The following RAB3GAP2 variants were observed in gnomAD, a reference collection of about 807,000 sequenced individuals.
RAB3GAP2 encodes the protein RAB3 GTPase activating non-catalytic protein subunit 2, also known as rab3 GTPase-activating protein non-catalytic subunit.
In RAB3GAP2, 87 loss-of-function variants were observed where a neutral mutation model predicts 185.3. That is an observed-to-expected ratio of 0.47 (90% CI 0.39 to 0.56). RAB3GAP2 has a LOEUF of 0.56. Ranked by LOEUF, RAB3GAP2 falls within the 20% of genes least tolerant of loss-of-function variation. The pLI is 0.00. For missense variants in RAB3GAP2, 1,492 were observed against 1,638.2 expected (o/e 0.91, Z 1.54); for synonymous variants, 554 against 576.1 (o/e 0.96, Z 0.55).
chr1:220,213,280 G>A (rs1326001911), intron 3 of RAB3GAP2, among the ~76,000 whole-genome samples: 2 of 152,010 alleles, frequency 1.3e-5, no homozygotes, highest in Non-Finnish European at 2.9e-5. Context: ...TTTATCATCA[G>A]ATGACGGAGA....
At chr1:220,269,331 A>C (rs1660290411) in intron 1 of RAB3GAP2, among the ~76,000 whole-genome samples, 1 of 152,236 alleles carries the variant, frequency 6.6e-6, no homozygotes, top group Non-Finnish European at 1.5e-5. Flanking sequence ...TATAAGGTCC[A>C]AGAAATGGCA....
In RAB3GAP2 at chr1:220,206,161, G is replaced by C. The variant is rs4142940; in HGVS notation, c.613-155C>G. ...GTAAAAATAGATAAAAAATTAATTT[G>C]AGAGTGCCTTTTTGCCAAAGACCTA... On this transcript the variant is annotated intron_variant, in intron 7 of 34. Transcript: ENST00000358951. Among the ~76,000 whole-genome samples the C allele has an allele frequency of 0.46, 69,549 of 151,980 alleles. 17,666 individuals carry two copies. The highest frequency in any genetic ancestry group is 0.69 in the African/African-American group (28,412 of 41,456).
chr1:220,270,852 A>G (rs1447593969), intron 1 of RAB3GAP2, among the ~76,000 whole-genome samples: 2 of 152,072 alleles, frequency 1.3e-5, no homozygotes, highest in Admixed American at 6.5e-5. Context: ...AAACGCCACA[A>G]TTTTCACAAG....
chr1:220,154,045 A>C lies in RAB3GAP2; in HGVS notation c.3568T>G (p.Phe1190Val), dbSNP rs373538022. ...SLFDSKGKNA[F>V]FKDLTSIQLL... ...TGAATTGAAGTTAGGTCTTTGAAAA[A>C]TGCATTTTTTCCCTAAAAAGAAAGA... The change falls in exon 32 of 35, where the codon TTT (phenylalanine) becomes GTT (valine). Residue 1190 changes from phenylalanine (F) to valine (V), a missense_variant. Phe to Val is a conservative substitution (Grantham distance 50, BLOSUM62 -1). Coordinates refer to ENST00000358951, the MANE Select transcript of RAB3GAP2 (RefSeq NM_012414.4). 5 of 1,613,350 alleles carry C rather than the reference A, an allele frequency of 3.1e-6. No homozygotes were observed. In the African/African-American group the frequency reaches 6.7e-5, roughly 22 times the overall value.
At chr1:220,262,133 C>CAA (rs554304525) in intron 1 of RAB3GAP2, among the ~76,000 whole-genome samples, 13 of 112,340 alleles carry the variant, frequency 1.2e-4, no homozygotes, top group Admixed American at 2.7e-4. Flanking sequence ...ACTAAAAATA[C>CAA]AAAAAAAAAA....
At chr1:220,221,905 AC>A (rs1371941031) in intron 2 of RAB3GAP2, among the ~76,000 whole-genome samples, 2 of 152,230 alleles carry the variant, frequency 1.3e-5, no homozygotes, top group African/African-American at 4.8e-5. Context: ...TTACGTAGTC[AC>A]TGAAGTAGCC....
chr1:220,262,042 C>T (rs1164745524), intron 1 of RAB3GAP2, among the ~76,000 whole-genome samples: 2 of 151,418 alleles, frequency 1.3e-5, no homozygotes, highest in Admixed American at 6.6e-5. Context: ...GTAATCCCAG[C>T]ACTTTGGGAG....
At chr1:220,211,026 T>C (rs1282285410) in intron 4 of RAB3GAP2, 24 bp from the exon 5 acceptor site, 3 of 1,607,568 alleles carry the variant, frequency 1.9e-6, no homozygotes, top group Non-Finnish European at 2.6e-6. Flanking sequence ...CAAAATCATA[T>C]GCTTACCCAC....
chr1:220,156,306 T>G (rs1430985092), intron 31 of RAB3GAP2, among the ~76,000 whole-genome samples: 1 of 152,202 alleles, frequency 6.6e-6, no homozygotes, highest in Non-Finnish European at 1.5e-5. Flanking sequence ...AAGCCTAAGC[T>G]GTGTTCTCTA....
At chr1:220,252,345 TTGTG>T (rs1263474436) in intron 1 of RAB3GAP2, among the ~76,000 whole-genome samples, 1 of 152,054 alleles carries the variant, frequency 6.6e-6, no homozygotes, top group African/African-American at 2.4e-5. Context: ...CCCAATTAGC[TTGTG>T]TGTATGTGTG....
chr1:220,253,748 G>A (rs1659982055), intron 1 of RAB3GAP2: 3 of 1,611,786 alleles, frequency 1.9e-6, no homozygotes, highest in Non-Finnish European at 2.5e-6. Flanking sequence ...GTTCCGGAGA[G>A]CAGAGTACTC....
intron 1 of RAB3GAP2, chr1:220,267,167 T>A (rs1660242892): frequency 9.1e-7 from 1 of 1,096,348 alleles, no homozygotes; most frequent in East Asian, 2.4e-5. Flanking sequence ...TGAATAACTG[T>A]TTTTGAATGA....
intron 21 of RAB3GAP2, 26 bp downstream of exon 21, chr1:220,182,231 G>A (rs957697680): frequency 3.7e-6 from 6 of 1,613,316 alleles, no homozygotes; most frequent in Non-Finnish European, 5.1e-6. Flanking sequence ...AGGAAGAACA[G>A]CATCCAGCAA....
At chr1:220,241,666 T>C (rs984612670) in intron 1 of RAB3GAP2, among the ~76,000 whole-genome samples, 6 of 152,026 alleles carry the variant, frequency 3.9e-5, no homozygotes, top group Admixed American at 3.9e-4. Flanking sequence ...TATTAATTTT[T>C]TCCATCTCTA....
At chr1:220,232,915 T>C (rs777674675) in intron 1 of RAB3GAP2, 52 bp from the exon 2 acceptor site, 2 of 1,497,588 alleles carry the variant, frequency 1.3e-6, no homozygotes, top group East Asian at 2.3e-5. Context: ...GCTTTAAATA[T>C]CTTTAAAGCA....
intron 33 of RAB3GAP2, among the ~76,000 whole-genome samples, chr1:220,152,198 C>T (rs1331005788): frequency 6.6e-6 from 1 of 152,212 alleles, no homozygotes; most frequent in East Asian, 1.9e-4. Flanking sequence ...GCTTCAGCCT[C>T]CCAAGTAGCT....
At chr1:220,172,803 C>T (rs1658204366) in intron 21 of RAB3GAP2, 61 bp from the exon 22 acceptor site, 1 of 1,151,804 alleles carries the variant, frequency 8.7e-7, no homozygotes, top group South Asian at 1.3e-5. Flanking sequence ...CAAAATCTTA[C>T]ACTTTCCTAG....
At chr1:220,204,087 G>A (rs963078562) in intron 8 of RAB3GAP2, among the ~76,000 whole-genome samples, 25 of 151,992 alleles carry the variant, frequency 1.6e-4, no homozygotes, top group African/African-American at 5.1e-4. Context: ...TGGTTGAGAC[G>A]GCTTCCTGAA....
Position 220,157,347 on chromosome 1 carries a change from T to C in RAB3GAP2, c.3478A>G (p.Ile1160Val). 4 of 1,613,712 alleles carry C rather than the reference T, an allele frequency of 2.5e-6. No individual in the cohort carries two copies. Among genetic ancestry groups the C allele is most frequent in the Non-Finnish European group, 3.4e-6 (4 of 1,179,908 alleles). ...IHYPLVEHHS[I>V]LCSILYAVMR... ...ACTGCATACAAGATGGAGCACAGGA[T>C]GGAGTGGTGCTCCACCAGTGGGTAG... Residue 1160 changes from isoleucine to valine, a missense_variant, in exon 31 of 35, where the codon ATC (isoleucine) becomes GTC (valine). Transcript: ENST00000358951.
Sources: gnomAD v4.1 joint callset for allele counts (sites outside exome capture counted in the v4.1 genomes callset) on GRCh38, gnomAD v4.1.1 for gene constraint, MANE v1.5 for transcripts, NCBI Gene and HGNC (gene_info 2026-07-23, HGNC 2026-07-21) for gene names.